Variants in GSK3B observed in about 807,000 individuals in gnomAD.
GSK3B encodes glycogen synthase kinase 3 beta, also known as glycogen synthase kinase-3 beta.
A neutral mutation model predicts 56.4 loss-of-function variants in GSK3B; 15 were observed. The observed-to-expected ratio is 0.27, with a 90% CI of 0.18 to 0.41. The LOEUF (loss-of-function observed/expected upper bound fraction) is 0.41. Among genes scored for constraint, GSK3B ranks in the 10% least tolerant of loss-of-function variants. The pLI, the probability that GSK3B is intolerant of heterozygous loss-of-function variation, is 1.00. For synonymous variants in GSK3B, 181 were observed against 188.9 expected, an observed-to-expected ratio of 0.96 and a Z score of 0.34; for missense variants, 300 against 513.4, an observed-to-expected ratio of 0.58 and a Z score of 4.02.
chr3:119,832,520 TA>T (rs1323738698), intron 10 of GSK3B, among the ~76,000 whole-genome samples: 22 of 152,230 alleles, frequency 1.4e-4, no homozygotes, highest in Non-Finnish European at 2.5e-4. Context: ...TCGAAGAACT[TA>T]AATGCCATTT....
At chr3:120,088,479 A>C (rs546400396) in intron 1 of GSK3B, among the ~76,000 whole-genome samples, 1 of 152,236 alleles carries the variant, frequency 6.6e-6, no homozygotes, top group Non-Finnish European at 1.5e-5. Context: ...AAATTTCAAA[A>C]GCAATTTGAT....
At chr3:119,913,208 T>A (rs887679849) in intron 5 of GSK3B, among the ~76,000 whole-genome samples, 1 of 152,132 alleles carries the variant, frequency 6.6e-6, no homozygotes, top group African/African-American at 2.4e-5. Context: ...TCACCCAATG[T>A]ATTTCTTTAA....
chr3:119,865,468 T>TATATATA (rs1559814399), intron 8 of GSK3B, among the ~76,000 whole-genome samples: 9 of 22,044 alleles, frequency 4.1e-4, no homozygotes, highest in Admixed American at 8.5e-4. Flanking sequence ...ATATATATAT[T>TATATATA]TTTTTTTTTT....
chr3:120,034,455 G>A (rs2058005772), intron 1 of GSK3B, among the ~76,000 whole-genome samples: 1 of 152,106 alleles, frequency 6.6e-6, no homozygotes, highest in African/African-American at 2.4e-5. Context: ...ATATCCAGCT[G>A]TCTGAGACCA....
chr3:119,930,375 G>C (rs1407632906), intron 3 of GSK3B, among the ~76,000 whole-genome samples: 1 of 151,894 alleles, frequency 6.6e-6, no homozygotes, highest in Admixed American at 6.6e-5. Context: ...AAATCACACA[G>C]TACAAAACTT....
intron 1 of GSK3B, among the ~76,000 whole-genome samples, chr3:120,010,323 T>TC (rs1359822478): frequency 7.9e-5 from 12 of 152,168 alleles, no homozygotes; most frequent in Non-Finnish European, 1.5e-4. Context: ...AGTTATTCTC[T>TC]CCCTCATTTG....
intron 9 of GSK3B, among the ~76,000 whole-genome samples, chr3:119,851,132 T>C (rs988493947): frequency 6.6e-6 from 1 of 152,240 alleles, no homozygotes; most frequent in South Asian, 2.1e-4. Context: ...AATTATGTGT[T>C]CCATAATTAA....
chr3:120,021,749 C>A (rs1400367081), intron 1 of GSK3B, among the ~76,000 whole-genome samples: 1 of 152,110 alleles, frequency 6.6e-6, no homozygotes, highest in Non-Finnish European at 1.5e-5. Context: ...TATGAATGAG[C>A]AAAGAAAGTG....
chr3:119,988,460 G>C (rs75044742), intron 2 of GSK3B, among the ~76,000 whole-genome samples: 1 of 152,020 alleles, frequency 6.6e-6, no homozygotes, highest in East Asian at 1.9e-4. Flanking sequence ...GTTTTCTTTT[G>C]TAACAGGACA....
intron 2 of GSK3B, among the ~76,000 whole-genome samples, chr3:119,981,339 G>T (rs1005497938): frequency 1.3e-5 from 2 of 152,224 alleles, no homozygotes; most frequent in African/African-American, 2.4e-5. Context: ...ATCTCATTGG[G>T]AATGGTTGGA....
chr3:119,854,686 G>C (rs185171183), intron 9 of GSK3B, among the ~76,000 whole-genome samples: 2 of 152,324 alleles, frequency 1.3e-5, no homozygotes, highest in East Asian at 1.9e-4. Flanking sequence ...ATTTCTTCTA[G>C]ATTTTCTAGT....
At chr3:119,852,275 T>C (rs945549771) in intron 9 of GSK3B, among the ~76,000 whole-genome samples, 7 of 152,348 alleles carry the variant, frequency 4.6e-5, no homozygotes, top group African/African-American at 1.7e-4. Context: ...TACAGGTGTT[T>C]TTAGAAGTTA....
Position 119,916,190 on chromosome 3 carries a change from G to A in GSK3B, c.478-16C>T. ...ACATATACAACTGGAATAGATAGTAGAAATTAATTAAATACTTCCTATTCT... is the reference window on the plus strand; with the variant it reads ...ACATATACAACTGGAATAGATAGTAAAAATTAATTAAATACTTCCTATTCT... On this transcript the variant is annotated splice_polypyrimidine_tract_variant and intron_variant, in intron 4 of 10. Transcript: ENST00000264235. The A allele has an allele frequency of 6.3e-7, 1 of 1,575,164 alleles. No homozygotes were observed. The highest frequency in any genetic ancestry group is 8.7e-7 in the Non-Finnish European group (1 of 1,146,168).
chr3:119,884,336 AATCACC>A (rs2056411558), intron 7 of GSK3B, among the ~76,000 whole-genome samples: 1 of 152,178 alleles, frequency 6.6e-6, no homozygotes, highest in African/African-American at 2.4e-5. Context: ...AGCCGACCAT[AATCACC>A]TGACATGAGT....
chr3:119,833,690 GTTTTTTTTTTTTT>G (rs902919136), intron 10 of GSK3B, among the ~76,000 whole-genome samples: 5 of 75,788 alleles, frequency 6.6e-5, no homozygotes, highest in Non-Finnish European at 1.1e-4. Flanking sequence ...ACATTAGGTT[GTTTTTTTTTTTTT>G]TTTTTTTTTT....
At chr3:120,034,927 A>G (rs1033479851) in intron 1 of GSK3B, among the ~76,000 whole-genome samples, 5 of 152,216 alleles carry the variant, frequency 3.3e-5, no homozygotes, top group African/African-American at 1.2e-4. Flanking sequence ...CCTCACCTCT[A>G]CTAAAAATAC....
In GSK3B at chr3:119,825,184, A is replaced by G. The variant is rs912703467; in HGVS notation, c.*1604T>C. 7 of 222,400 alleles carry G rather than the reference A, an allele frequency of 3.1e-5. No individual in the cohort carries two copies. Among genetic ancestry groups the G allele is most frequent in the Non-Finnish European group, 5.4e-5 (6 of 111,212 alleles). The allele number at this position is 222,400 out of a possible 1,614,324, so 13.8% of individuals were successfully genotyped here. On this transcript the variant is annotated 3_prime_UTR_variant, in exon 11 of 11. Coordinates refer to ENST00000264235, the MANE Select transcript of GSK3B (RefSeq NM_001146156.2). The stretch of plus-strand genomic sequence containing the variant: ...GCCTTAAAGATTCATAGGTCAAGTA[A>G]TGGCCCATAAGCACCAAGGTGACTA...
intron 3 of GSK3B, among the ~76,000 whole-genome samples, chr3:119,930,614 G>A (rs2056936785): frequency 6.6e-6 from 1 of 152,128 alleles, no homozygotes; most frequent in Non-Finnish European, 1.5e-5. Flanking sequence ...AAGGCCCTAT[G>A]ACTAAAATCA....
chr3:120,068,175 A>G (rs334564), intron 1 of GSK3B, among the ~76,000 whole-genome samples: 79,781 of 151,156 alleles, frequency 0.53, 24,395 homozygotes, highest in African/African-American at 0.86. Context: ...GGTGGATCAC[A>G]AGGTCAGGTG....
Sources: allele counts gnomAD v4.1 joint callset (sites outside exome capture counted in the v4.1 genomes callset), GRCh38; gene constraint gnomAD v4.1.1; transcripts MANE v1.5; gene names NCBI Gene and HGNC (gene_info 2026-07-23, HGNC 2026-07-21).